The following NGLY1 variants were observed in gnomAD, a reference collection of about 807,000 sequenced individuals.
NGLY1 encodes N-glycanase 1.
A neutral mutation model predicts 84.6 loss-of-function variants in NGLY1; 68 were observed. That is an observed-to-expected ratio of 0.80 (90% confidence interval 0.66 to 0.98). The LOEUF (loss-of-function observed/expected upper bound fraction) is 0.98, where lower values mean the gene tolerates loss of function less well. NGLY1 is among the 50% of genes least tolerant of loss of function. The pLI is 0.00. For missense variants in NGLY1, 779 were observed against 770.2 expected (o/e 1.01, Z -0.14); for synonymous variants, 280 against 275.2 (o/e 1.02, Z -0.17).
At chr3:25,772,117 G>A (rs959659305) in intron 2 of NGLY1, among the ~76,000 whole-genome samples, 4 of 151,210 alleles carry the variant, frequency 2.6e-5, no homozygotes, top group African/African-American at 9.7e-5. Flanking sequence ...GGTTCTTGGG[G>A]GAATGCTTTC....
At chr3:25,763,566 C>T (rs1392464872) in intron 3 of NGLY1, among the ~76,000 whole-genome samples, 2 of 152,154 alleles carry the variant, frequency 1.3e-5, no homozygotes, top group Admixed American at 6.5e-5. Flanking sequence ...ACAGTAAAAA[C>T]TTAGGAGAAG....
rs1707878286 is a variant in NGLY1, at chr3:25,771,219, G to A, written c.247-6908C>T. Among the ~76,000 whole-genome samples, 3 of 152,128 alleles carry A rather than the reference G, an allele frequency of 2.0e-5. No homozygotes were observed. In the South Asian group the frequency reaches 6.2e-4, roughly 32 times the overall value. ...TTTCATACAGCTCCAGTTGATTTTT[G>A]TATAAGGTAAGAGATGAGGATCCAG... On this transcript the variant is annotated intron_variant, in intron 2 of 11. Coordinates refer to ENST00000280700, the MANE Select transcript of NGLY1 (RefSeq NM_018297.4).
intron 2 of NGLY1, among the ~76,000 whole-genome samples, chr3:25,774,535 T>C (rs548976771): frequency 1.3e-5 from 2 of 152,006 alleles, no homozygotes; most frequent in African/African-American, 4.8e-5. Context: ...ATTACAGCTA[T>C]CTCTGCTGCA....
chr3:25,745,069 A>C (rs1170035262), intron 4 of NGLY1, among the ~76,000 whole-genome samples: 1 of 152,172 alleles, frequency 6.6e-6, no homozygotes, highest in Non-Finnish European at 1.5e-5. Context: ...TTCACTATAT[A>C]AGTTTCCTTC....
At chr3:25,752,986 A>G (rs931949287) in intron 3 of NGLY1, among the ~76,000 whole-genome samples, 1 of 152,176 alleles carries the variant, frequency 6.6e-6, no homozygotes, top group Non-Finnish European at 1.5e-5. Context: ...AACTTCTCAC[A>G]TCCAGTTAAG....
chr3:25,736,030 A>G lies in NGLY1; in HGVS notation c.1123T>C (p.Tyr375His). Residue 375 changes from tyrosine (Y) to histidine (H), a missense_variant, in exon 7 of 12, where the codon TAT (tyrosine) becomes CAT (histidine). Transcript: ENST00000280700. ...YEIGWGKKLS[Y>H]VIAFSKDEVV... ...TCATCTTTTGAAAATGCTATGACATAGGAAAGCTTCTTGCCCCATCCTATT... is the reference window on the plus strand; with the variant it reads ...TCATCTTTTGAAAATGCTATGACATGGGAAAGCTTCTTGCCCCATCCTATT... 6.2e-7 allele frequency: 1 copy of G among 1,613,584 alleles called. No homozygotes were observed. Among genetic ancestry groups the G allele is most frequent in the Non-Finnish European group, 8.5e-7 (1 of 1,179,736 alleles).
Position 25,778,563 on chromosome 3 carries a change from A to T in NGLY1, c.246+11T>A. The T allele has an allele frequency of 6.6e-7, 1 of 1,513,704 alleles. No homozygotes were observed. Among genetic ancestry groups the T allele is most frequent in the Non-Finnish European group, 9.1e-7 (1 of 1,099,536 alleles). The allele number at this position is 1,513,704 out of a possible 1,614,324, so 93.8% of individuals were successfully genotyped here. A position where few individuals can be genotyped will look rare whatever the true frequency, so the allele number is the denominator to read the frequency against. ...ATGAAGAGGGGAGAGGAAATCCTTG[A>T]ACATACTTACCTCTTCAAAGCCCAT... is the stretch of plus-strand genomic sequence containing the variant. On this transcript the variant is annotated intron_variant, in intron 2 of 11. Transcript: ENST00000280700.
Position 25,729,286 on chromosome 3 carries a change from A to T in NGLY1, c.1458T>A (p.Asn486Lys). 6.8e-7 allele frequency: 1 copy of T among 1,466,196 alleles called. No homozygotes were observed. The highest frequency in any genetic ancestry group is 9.1e-7 in the Non-Finnish European group (1 of 1,096,826). The allele number at this position is 1,466,196 out of a possible 1,614,324, so 90.8% of individuals were successfully genotyped here. A position where few individuals can be genotyped will look rare whatever the true frequency, so the allele number is the denominator to read the frequency against. ...GGTGGAGCTGTTTAGAAATCTTCTC[A>T]TTTTCACAGGGAATAAACAAGGTTT... ...RKETLFIPCENEKISKQLHLC... is the reference protein window; with the variant it reads ...RKETLFIPCEKEKISKQLHLC... Residue 486 changes from asparagine to lysine, a missense_variant, in exon 10 of 12, where the codon AAT (asparagine) becomes AAA (lysine). Coordinates refer to ENST00000280700, the MANE Select transcript of NGLY1 (RefSeq NM_018297.4).
At position 25,764,160 on chromosome 3, in the gene NGLY1, TG is replaced by T. The variant is rs1248089584; in HGVS notation, c.397del (p.Gln133SerfsTer13). On this transcript the variant is annotated frameshift_variant, in exon 3 of 12. Transcript: ENST00000280700. LOFTEE classifies it high-confidence loss of function. ...KSSQQPAAST[Q>X]LPTTPSSNPS... is the part of the protein sequence containing the mutation. ...ATTTGAAGATGGTGTTGTAGGAAGC[TG>T]GGTACTGGCTGCAGGTTGCTGAGAT... 6.2e-7 allele frequency: 1 copy of T among 1,614,098 alleles called. No homozygotes were observed. Among genetic ancestry groups the T allele is most frequent in the Non-Finnish European group, 8.5e-7 (1 of 1,180,042 alleles).
rs147368318 is a variant in NGLY1 at position 25,739,620 on chromosome 3, C to A, written c.838G>T (p.Asp280Tyr). 4 of 1,614,014 alleles carry A rather than the reference C, an allele frequency of 2.5e-6. No individual in the cohort carries two copies. Among genetic ancestry groups the A allele is most frequent in the Non-Finnish European group, 3.4e-6 (4 of 1,180,016 alleles). Reference protein sequence around the residue: ...ELKWGAKEVEDHYCDACQFSN... With the variant: ...ELKWGAKEVEYHYCDACQFSN... ...AACTGGCAGGCATCACAGTAATGATCTTCCACTTCCTTTGCACCCCACTTC... is the reference window on the plus strand; with the variant it reads ...AACTGGCAGGCATCACAGTAATGATATTCCACTTCCTTTGCACCCCACTTC... Residue 280 changes from aspartate (D) to tyrosine (Y), a missense_variant, in exon 5 of 12, where the codon GAT (aspartate) becomes TAT (tyrosine). Coordinates refer to ENST00000280700, the MANE Select transcript of NGLY1 (RefSeq NM_018297.4).
At chr3:25,721,440 A>C (rs1024846142) in intron 10 of NGLY1, among the ~76,000 whole-genome samples, 6 of 152,180 alleles carry the variant, frequency 3.9e-5, no homozygotes, top group Admixed American at 2.6e-4. Flanking sequence ...CATTAAGTCT[A>C]ATCTATTAGC....
At chr3:25,789,733 A>G (rs1708680137) in intron 1 of NGLY1, 5 of 1,195,912 alleles carry the variant, frequency 4.2e-6, no homozygotes, top group Non-Finnish European at 6.0e-6. Context: ...TTGAAACTGC[A>G]GAGAATTTCC....
chr3:25,737,459 G>A lies in NGLY1; in HGVS notation c.882-4C>T. ...AAGTTTCTCAGGGTTATTATATCTG[G>A]TTTAAAAAGAAAAAAAACCTTAATT... On this transcript the variant is annotated splice_region_variant and splice_polypyrimidine_tract_variant and intron_variant, in intron 5 of 11. Coordinates refer to ENST00000280700, the MANE Select transcript of NGLY1 (RefSeq NM_018297.4). 1 of 1,581,154 alleles carries A rather than the reference G, an allele frequency of 6.3e-7. No homozygotes were observed. Among genetic ancestry groups the A allele is most frequent in the Non-Finnish European group, 8.6e-7 (1 of 1,163,094 alleles).
At chr3:25,755,516 T>G in intron 3 of NGLY1, 1 of 1,451,694 alleles carries the variant, frequency 6.9e-7, no homozygotes, top group Non-Finnish European at 9.7e-7. Context: ...TCAAACCAGT[T>G]CCTGCAATAA....
At chr3:25,726,531 A>T (rs1705272190) in intron 10 of NGLY1, among the ~76,000 whole-genome samples, 1 of 152,178 alleles carries the variant, frequency 6.6e-6, no homozygotes, top group East Asian at 1.9e-4. Flanking sequence ...GTTAAGAATA[A>T]ATTAATCAAA....
chr3:25,772,368 T>A (rs972051338), intron 2 of NGLY1, among the ~76,000 whole-genome samples: 3 of 152,230 alleles, frequency 2.0e-5, no homozygotes, highest in African/African-American at 7.2e-5. Flanking sequence ...AATGTTTTCC[T>A]GTTGGACTAG....
intron 2 of NGLY1, among the ~76,000 whole-genome samples, chr3:25,777,382 C>T (rs371585055): frequency 1.7e-4 from 17 of 99,722 alleles, no homozygotes; most frequent in African/African-American, 2.9e-4. Context: ...GCAACAAGAG[C>T]GAAACTCCAT....
chr3:25,783,203 CA>C lies in NGLY1; in HGVS notation c.131+56del. 2 of 1,527,850 alleles carry C rather than the reference CA, an allele frequency of 1.3e-6. No individual in the cohort carries two copies. The highest frequency in any genetic ancestry group is 1.8e-6 in the Non-Finnish European group (2 of 1,110,438). 94.6% of individuals were successfully genotyped at this position (1,527,850 alleles called of 1,614,324 possible). On this transcript the variant is annotated intron_variant, in intron 1 of 11. Coordinates refer to ENST00000280700, the MANE Select transcript of NGLY1 (RefSeq NM_018297.4). This position sits in a 1 kb window ranked among gnomAD's most constrained non-coding sequence, Gnocchi z 4.5. ...CCGGACGCCCCAGTCCCTGGCCGAA[CA>C]AGGTGCCGCGGCCCACCCACCCCGG... is the stretch of plus-strand genomic sequence containing the variant.
In NGLY1 at chr3:25,732,200, T is replaced by A. The variant is rs964404234; in HGVS notation, c.1425+119A>T. Reference sequence around the variant, plus strand: ...CTCTTCAAATGTTTGCATTTTAAAATAATTACTCTCAAGTTAACTGAAAGG... The same window carrying A: ...CTCTTCAAATGTTTGCATTTTAAAAAAATTACTCTCAAGTTAACTGAAAGG... On this transcript the variant is annotated intron_variant, in intron 9 of 11. Transcript: ENST00000280700. 4.9e-6 allele frequency: 4 copies of A among 813,580 alleles called. No homozygotes were observed. The Admixed American group carries it at 8.4e-5, about 17-fold the overall frequency. The allele number at this position is 813,580 out of a possible 1,614,324, so 50.4% of individuals were successfully genotyped here.
Sources: gnomAD v4.1 joint callset for allele counts (sites outside exome capture counted in the v4.1 genomes callset) on GRCh38, gnomAD v4.1.1 for gene constraint, Gnocchi (gnomAD v3.1) non-coding constraint, MANE v1.5 for transcripts, NCBI Gene and HGNC (gene_info 2026-07-23, HGNC 2026-07-21) for gene names.